The following TMA16 variants were observed in gnomAD, a reference collection of about 807,000 sequenced individuals.
The protein encoded by TMA16 is translation machinery associated 16 homolog, also known as translation machinery-associated protein 16.
TMA16 carries 26 observed loss-of-function variants against 27.1 expected under a neutral mutation model. The ratio of observed to expected loss-of-function variants is 0.96; its 90% CI spans 0.70 to 1.33. TMA16 has a LOEUF of 1.33. TMA16 is among the 40% of genes most tolerant of loss of function. The pLI, the probability that TMA16 is intolerant of heterozygous loss-of-function variation, is 0.00. For synonymous variants in TMA16, 71 were observed against 81.9 expected (o/e 0.87, Z 0.72); for missense variants, 233 against 241.4 (o/e 0.97, Z 0.23).
Position 163,517,456 on chromosome 4 carries a change from A to G in TMA16, c.411A>G (p.Ala137=), listed in dbSNP as rs763655100. 4 of 1,613,482 alleles carry G rather than the reference A, an allele frequency of 2.5e-6. No individual in the cohort carries two copies. The East Asian group carries it at 8.9e-5, about 36-fold the overall frequency. Residue 137 remains alanine, a synonymous_variant, in exon 6 of 7, where the codon GCA becomes GCG. Coordinates refer to ENST00000358572, the MANE Select transcript of TMA16 (RefSeq NM_018352.3). ...YGLEIPDILN[A]SNLKTFREWD... The stretch of plus-strand genomic sequence containing the variant: ...CAGAGATTCCAGACATTCTAAATGC[A>G]AGTAATCTGAAAACATTTAGGTGAG...
At position 163,498,929 on chromosome 4, in the gene TMA16, G is replaced by C. The variant is rs147474429; in HGVS notation, c.3+4125G>C. On this transcript the variant is annotated intron_variant, in intron 1 of 6. Transcript: ENST00000358572. ...CACTTTTGCCTCTCAAAAGTGTTGA[G>C]ATAGTGGGCAGAAGCCACTGTGTTT... Among the ~76,000 whole-genome samples, 346 of 152,294 alleles carry C rather than the reference G, an allele frequency of 2.3e-3. 1 individual carries two copies. Among genetic ancestry groups the C allele is most frequent in the Middle Eastern group, 0.014 (4 of 294 alleles).
At chr4:163,507,618 C>A (rs1349718229) in intron 2 of TMA16, among the ~76,000 whole-genome samples, 1 of 151,854 alleles carries the variant, frequency 6.6e-6, no homozygotes, top group African/African-American at 2.4e-5. Context: ...GATCAGCATC[C>A]ATGTGGGATT....
At chr4:163,517,924 C>T (rs1737908682) in intron 6 of TMA16, among the ~76,000 whole-genome samples, 1 of 151,596 alleles carries the variant, frequency 6.6e-6, no homozygotes, top group African/African-American at 2.4e-5. Context: ...TCTAGTTGTA[C>T]TCTTTTGTAA....
intron 1 of TMA16, among the ~76,000 whole-genome samples, chr4:163,499,804 G>A (rs945340486): frequency 6.6e-5 from 10 of 152,024 alleles, no homozygotes; most frequent in Non-Finnish European, 1.3e-4. Flanking sequence ...ATACCCAGAT[G>A]TGAAGCCTGG....
intron 2 of TMA16, among the ~76,000 whole-genome samples, chr4:163,512,054 A>G (rs1380639534): frequency 1.3e-5 from 2 of 151,090 alleles, no homozygotes; most frequent in Non-Finnish European, 2.9e-5. Context: ...CTGTATGTTC[A>G]GGTCTCAGCT....
In TMA16 at chr4:163,520,078, T is replaced by G. The variant is rs989927800; in HGVS notation, c.*564T>G. ...GAGCTAAATGGTAAAAGAAAAAAAATCAGTGATGATTGTTATGTTGATCTC... is the reference window on the plus strand; with the variant it reads ...GAGCTAAATGGTAAAAGAAAAAAAAGCAGTGATGATTGTTATGTTGATCTC... On this transcript the variant is annotated 3_prime_UTR_variant, in exon 7 of 7. Coordinates refer to ENST00000358572, the MANE Select transcript of TMA16 (RefSeq NM_018352.3). The G allele has an allele frequency of 3.9e-5, 22 of 566,464 alleles. No homozygotes were observed. The African/African-American group carries it at 3.9e-4, about 10-fold the overall frequency. The allele number at this position is 566,464 out of a possible 1,614,324, so 35.1% of individuals were successfully genotyped here.
intron 2 of TMA16, among the ~76,000 whole-genome samples, chr4:163,511,721 A>T (rs2110806318): frequency 6.6e-6 from 1 of 151,162 alleles, no homozygotes; most frequent in East Asian, 1.9e-4. Context: ...ACTACATGGG[A>T]GGCTGAGGCA....
intron 2 of TMA16, among the ~76,000 whole-genome samples, chr4:163,507,780 A>G (rs1737739533): frequency 6.6e-6 from 1 of 152,030 alleles, no homozygotes; most frequent in Non-Finnish European, 1.5e-5. Flanking sequence ...GAAGGAGGAG[A>G]AAGAAGGCTG....
intron 1 of TMA16, among the ~76,000 whole-genome samples, chr4:163,495,802 G>A (rs1579012140): frequency 6.6e-6 from 1 of 151,714 alleles, no homozygotes; most frequent in East Asian, 1.9e-4. Flanking sequence ...CGAGTTTTTT[G>A]TGCTTTATTT....
At chr4:163,501,542 A>G (rs1396446986) in intron 1 of TMA16, among the ~76,000 whole-genome samples, 1 of 152,176 alleles carries the variant, frequency 6.6e-6, no homozygotes, top group Non-Finnish European at 1.5e-5. Context: ...TTTTGCCATT[A>G]AAAAGTACCA....
chr4:163,514,259 A>G (rs1737843437), intron 4 of TMA16, 101 bp downstream of exon 4: 2 of 904,754 alleles, frequency 2.2e-6, no homozygotes, highest in African/African-American at 1.7e-5. Flanking sequence ...AGAAGAGCAA[A>G]TGGGCTTTGT....
intron 1 of TMA16, among the ~76,000 whole-genome samples, chr4:163,497,793 G>A (rs1163654540): frequency 6.6e-6 from 1 of 152,142 alleles, no homozygotes; most frequent in Non-Finnish European, 1.5e-5. Context: ...ATATTCCCAG[G>A]TTCTGGAGGA....
intron 1 of TMA16, among the ~76,000 whole-genome samples, chr4:163,506,622 G>A (rs1737721366): frequency 6.6e-6 from 1 of 152,150 alleles, no homozygotes. Flanking sequence ...TTTGTTCCAT[G>A]TGAAACATCT....
At chr4:163,517,556 C>A in intron 6 of TMA16, 80 bp downstream of exon 6, 1 of 1,268,722 alleles carries the variant, frequency 7.9e-7, no homozygotes, top group Non-Finnish European at 1.1e-6. Context: ...TTGAGTCTAG[C>A]CGGTAGAACT....
intron 2 of TMA16, among the ~76,000 whole-genome samples, chr4:163,510,657 A>G (rs1737779835): frequency 5.3e-5 from 8 of 152,054 alleles, no homozygotes; most frequent in South Asian, 4.1e-4. Flanking sequence ...TTCACTGTCT[A>G]TGTTCGTTTG....
In TMA16 at chr4:163,517,435, G is replaced by C. The variant is rs761890276; in HGVS notation, c.390G>C (p.Glu130Asp). 2 of 1,612,718 alleles carry C rather than the reference G, an allele frequency of 1.2e-6. No homozygotes were observed. Among genetic ancestry groups the C allele is most frequent in the Admixed American group, 1.7e-5 (1 of 59,880 alleles). ...GAGATAAATTACTTTCTTTTCCAGA[G>C]ATTCCAGACATTCTAAATGCAAGTA... is the stretch of plus-strand genomic sequence containing the variant. ...ERQQFEGYGLEIPDILNASNL... is the reference protein window; with the variant it reads ...ERQQFEGYGLDIPDILNASNL... The change falls in exon 6 of 7, where the codon GAG becomes GAC. Residue 130 changes from glutamate to aspartate, a missense_variant and splice_region_variant. Transcript: ENST00000358572.
intron 2 of TMA16, 152 bp from the exon 3 acceptor site, chr4:163,512,670 A>T: frequency 1.3e-5 from 7 of 537,756 alleles, no homozygotes. Flanking sequence ...ATAGTATTTA[A>T]TGTTTCTGTT....
intron 2 of TMA16, among the ~76,000 whole-genome samples, chr4:163,510,366 T>G (rs756995428): frequency 1.3e-5 from 2 of 152,200 alleles, no homozygotes; most frequent in Non-Finnish European, 2.9e-5. Flanking sequence ...AATTCCCTTG[T>G]GTATCTTCCC....
At chr4:163,512,917 A>G (rs1327549101) in intron 3 of TMA16, 58 bp downstream of exon 3, 10 of 1,356,918 alleles carry the variant, frequency 7.4e-6, no homozygotes, top group African/African-American at 1.5e-5. Context: ...TCTGCCCTAT[A>G]CTTGTTTTTC....
Sources: gnomAD v4.1 joint callset for allele counts (sites outside exome capture counted in the v4.1 genomes callset) on GRCh38, gnomAD v4.1.1 for gene constraint, MANE v1.5 for transcripts, NCBI Gene and HGNC (gene_info 2026-07-23, HGNC 2026-07-21) for gene names.